COL11A2: variants seen among roughly 807,000 people sequenced by gnomAD.
COL11A2 encodes the protein collagen type XI alpha 2 chain.
Under a neutral mutation model 273.4 loss-of-function variants are expected in COL11A2, and 116 were observed. The ratio of observed to expected loss-of-function variants is 0.42; its 90% CI spans 0.36 to 0.49. The LOEUF (loss-of-function observed/expected upper bound fraction) is 0.49. Ranked by LOEUF, COL11A2 falls within the 20% of genes least tolerant of loss-of-function variation. The pLI, the probability that COL11A2 is intolerant of heterozygous loss-of-function variation, is 0.00. For synonymous variants in COL11A2, 782 were observed against 864.2 expected (o/e 0.90, Z 1.67); for missense variants, 1,866 against 2,309.0 (o/e 0.81, Z 3.93).
Position 33,170,450 on chromosome 6 carries a change from A to T in COL11A2, c.3529-71T>A, listed in dbSNP as rs1361580152. 8 of 1,508,206 alleles carry T rather than the reference A, an allele frequency of 5.3e-6. No homozygotes were observed. Among genetic ancestry groups the T allele is most frequent in the Non-Finnish European group, 7.2e-6 (8 of 1,110,782 alleles). 93.4% of individuals were successfully genotyped at this position (1,508,206 alleles called of 1,614,324 possible). On this transcript the variant is annotated intron_variant, in intron 47 of 65. Coordinates refer to ENST00000341947, the MANE Select transcript of COL11A2 (RefSeq NM_080680.3). The surrounding 1 kb of genome is among the most constrained non-coding windows in gnomAD (Gnocchi z 4.3). ...GCTGAGCATGAATGGTGGAGAGAGG[A>T]GGAGGAGCAGCCAGGCCAGGGAGTT... is the stretch of plus-strand genomic sequence containing the variant.
chr6:33,177,123 G>C lies in COL11A2; in HGVS notation c.2016+58C>G. 1 of 1,612,398 alleles carries C rather than the reference G, an allele frequency of 6.2e-7. No individual in the cohort carries two copies. Among genetic ancestry groups the C allele is most frequent in the Non-Finnish European group, 8.5e-7 (1 of 1,179,568 alleles). On this transcript the variant is annotated intron_variant, in intron 24 of 65. Coordinates refer to ENST00000341947, the MANE Select transcript of COL11A2 (RefSeq NM_080680.3). This position sits in a 1 kb window ranked among gnomAD's most constrained non-coding sequence, Gnocchi z 5.9. ...AGACAAAATCCCAGCAGACATTTAG[G>C]GTTCTCCCTACATCCCCACTCTAAA...
At position 33,164,279 on chromosome 6, in the gene COL11A2, T is replaced by G; in HGVS notation, c.5058A>C (p.Arg1686Ser). 6.2e-7 allele frequency: 1 copy of G among 1,612,922 alleles called. No individual in the cohort carries two copies. The highest frequency in any genetic ancestry group is 8.5e-7 in the Non-Finnish European group (1 of 1,179,986). Residue 1686 changes from arginine (R) to serine (S), a missense_variant, in exon 65 of 66, where the codon AGA becomes AGC. By Grantham distance (110) the Arg-to-Ser change is moderately radical. Coordinates refer to ENST00000341947, the MANE Select transcript of COL11A2 (RefSeq NM_080680.3). The surrounding 1 kb of genome is among the most constrained non-coding windows in gnomAD (Gnocchi z 4.7). ...TTCCTGTTCCCACCTGGCAGCCATC[T>G]CTGAATTCTTTGACATAGGGGCTAG... is the stretch of plus-strand genomic sequence containing the variant. ...PETSPYVKEF[R>S]DGCQTQQGRT... is the part of the protein sequence containing the mutation.
chr6:33,171,409 C>A (rs1272519956), intron 43 of COL11A2, 58 bp downstream of exon 43: 7 of 1,609,272 alleles, frequency 4.3e-6, no homozygotes, highest in Non-Finnish European at 6.0e-6. Context: ...GGGGTCATGC[C>A]CAGGTCAGCC....
chr6:33,185,050 G>A lies in COL11A2; in HGVS notation c.881C>T (p.Pro294Leu), dbSNP rs758518675. 1 of 1,551,202 alleles carries A rather than the reference G, an allele frequency of 6.4e-7. No individual in the cohort carries two copies. The highest frequency in any genetic ancestry group is 1.2e-5 in the South Asian group (1 of 84,058). The part of the protein sequence containing the change: ...TTGTTPDYQD[P>L]TPGEEEEILE... Reference sequence around the variant, plus strand: ...GATTTCTTCCTCTTCACCTGGGGTGGGGTCCTGACCCCAAGGAGAGAAGGA... The same window carrying A: ...GATTTCTTCCTCTTCACCTGGGGTGAGGTCCTGACCCCAAGGAGAGAAGGA... The change falls in exon 7 of 66, where the codon CCC becomes CTC. Residue 294 changes from proline (P) to leucine (L), a missense_variant. Pro to Leu is a moderately conservative substitution (Grantham distance 98). Coordinates refer to ENST00000341947, the MANE Select transcript of COL11A2 (RefSeq NM_080680.3).
chr6:33,166,674 C>A lies in COL11A2; in HGVS notation c.4338+46G>T. ...CAACTCCAACTCCACCCCTCTCCAC[C>A]CCACTCTCAACCCCCACAACTTCCG... is the stretch of plus-strand genomic sequence containing the variant. On this transcript the variant is annotated intron_variant, in intron 59 of 65. Coordinates refer to ENST00000341947, the MANE Select transcript of COL11A2 (RefSeq NM_080680.3). The surrounding 1 kb of genome is among the most constrained non-coding windows in gnomAD (Gnocchi z 4.8). 6.2e-7 allele frequency: 1 copy of A among 1,612,350 alleles called. No homozygotes were observed. The highest frequency in any genetic ancestry group is 8.5e-7 in the Non-Finnish European group (1 of 1,178,564).
In COL11A2 at chr6:33,189,440, G is replaced by C; in HGVS notation, c.112C>G (p.Leu38Val). Residue 38 changes from leucine to valine, a missense_variant, in exon 2 of 66, where the codon CTG becomes GTG. Coordinates refer to ENST00000341947, the MANE Select transcript of COL11A2 (RefSeq NM_080680.3). The surrounding 1 kb of genome is among the most constrained non-coding windows in gnomAD (Gnocchi z 5.6). ...CCATCAGGGAGGGAGGGGAACCTCA[G>C]GGCCCGGAGCACATCCACAGGGGGT... is the stretch of plus-strand genomic sequence containing the variant. ...GAPPVDVLRA[L>V]RFPSLPDGVR... is the part of the protein sequence containing the mutation. 6.2e-7 allele frequency: 1 copy of C among 1,613,110 alleles called. No homozygotes were observed. Among genetic ancestry groups the C allele is most frequent in the Non-Finnish European group, 8.5e-7 (1 of 1,180,032 alleles).
Position 33,179,664 on chromosome 6 carries a change from A to T in COL11A2, c.1446+55T>A. On this transcript the variant is annotated intron_variant, in intron 13 of 65. Coordinates refer to ENST00000341947, the MANE Select transcript of COL11A2 (RefSeq NM_080680.3). This position sits in a 1 kb window ranked among gnomAD's most constrained non-coding sequence, Gnocchi z 6.4. ...CCCCTGCCGCACACTCACTCCAGCC[A>T]ACCCTTCCAGTGCCCCCCAGAGCCT... 1 of 1,596,664 alleles carries T rather than the reference A, an allele frequency of 6.3e-7. No individual in the cohort carries two copies.
Position 33,170,755 on chromosome 6 carries a change from A to C in COL11A2, c.3474+55T>G, listed in dbSNP as rs952879848. On this transcript the variant is annotated intron_variant, in intron 46 of 65. Coordinates refer to ENST00000341947, the MANE Select transcript of COL11A2 (RefSeq NM_080680.3). This position sits in a 1 kb window ranked among gnomAD's most constrained non-coding sequence, Gnocchi z 4.3. ...AGGCTGCTGGCAGAGTCTGGGGCAA[A>C]ACATCACCCCATCCTGACCCCACCT... 87 of 1,594,876 alleles carry C rather than the reference A, an allele frequency of 5.5e-5. No homozygotes were observed. The highest frequency in any genetic ancestry group is 1.6e-5 in the Non-Finnish European group (19 of 1,163,940).
Position 33,176,818 on chromosome 6 carries a change from A to T in COL11A2, c.2071-53T>A. The T allele has an allele frequency of 6.3e-7, 1 of 1,585,816 alleles. No homozygotes were observed. Among genetic ancestry groups the T allele is most frequent in the African/African-American group, 1.3e-5 (1 of 74,208 alleles). On this transcript the variant is annotated intron_variant, in intron 25 of 65. Transcript: ENST00000341947. The surrounding 1 kb of genome is among the most constrained non-coding windows in gnomAD (Gnocchi z 4.9). ...CAGTGGCCCCTGTCACCCTCTCTGCACCCCTCCCTACACTTCTTCCAACCC... is the reference window on the plus strand; with the variant it reads ...CAGTGGCCCCTGTCACCCTCTCTGCTCCCCTCCCTACACTTCTTCCAACCC...
rs1386761855 is a variant in COL11A2 at position 33,192,250 on chromosome 6, G to A, written c.-10C>T. On this transcript the variant is annotated 5_prime_UTR_variant, in exon 1 of 66. Transcript: ENST00000341947. Reference sequence around the variant, plus strand: ...GGCTGCACCGCTCCATGGCTGAGAAGCCGAAACGCCGGGTCCCAGGGACCC... The same window carrying A: ...GGCTGCACCGCTCCATGGCTGAGAAACCGAAACGCCGGGTCCCAGGGACCC... The A allele has an allele frequency of 6.4e-7, 1 of 1,553,348 alleles. No homozygotes were observed.
chr6:33,168,091 C>A (rs1354624616), intron 54 of COL11A2, among the ~76,000 whole-genome samples: 1 of 152,102 alleles, frequency 6.6e-6, no homozygotes, highest in Admixed American at 6.5e-5. Context: ...CCTGGTGGCC[C>A]GTCTCCTGCC....
chr6:33,190,678 TC>T lies in COL11A2; in HGVS notation c.83-1210del, dbSNP rs1772998035. ...TCCAGGAGCCGGGAAACCACGGCCT[TC>T]CCCCCCAACCCCCACCTAAGCCTGG... On this transcript the variant is annotated intron_variant, in intron 1 of 65. Transcript: ENST00000341947. The surrounding 1 kb of genome is among the most constrained non-coding windows in gnomAD (Gnocchi z 4.5). Among the ~76,000 whole-genome samples, 1 of 150,846 alleles carries T rather than the reference TC, an allele frequency of 6.6e-6. No individual in the cohort carries two copies. Among genetic ancestry groups the T allele is most frequent in the Non-Finnish European group, 1.5e-5 (1 of 67,722 alleles).
In COL11A2 at chr6:33,169,103, A is replaced by G; in HGVS notation, c.3799-95T>C. 1 of 1,207,530 alleles carries G rather than the reference A, an allele frequency of 8.3e-7. No homozygotes were observed. Among genetic ancestry groups the G allele is most frequent in the Non-Finnish European group, 1.2e-6 (1 of 854,626 alleles). 74.8% of individuals were successfully genotyped at this position (1,207,530 alleles called of 1,614,324 possible). On this transcript the variant is annotated intron_variant, in intron 51 of 65. Transcript: ENST00000341947. This position sits in a 1 kb window ranked among gnomAD's most constrained non-coding sequence, Gnocchi z 5.5. ...CACACGCCACTGCCTCTCTAGAGGC[A>G]GTGCCCACCAGTACCCCCCAGGAAG...
chr6:33,168,978 G>T lies in COL11A2; in HGVS notation c.3829C>A (p.Pro1277Thr). 2 of 1,609,102 alleles carry T rather than the reference G, an allele frequency of 1.2e-6. No homozygotes were observed. The highest frequency in any genetic ancestry group is 1.7e-6 in the Non-Finnish European group (2 of 1,178,172). ...GPVGFPGDPGPPGEGGPRGQD... is the reference protein window; with the variant it reads ...GPVGFPGDPGTPGEGGPRGQD... The stretch of plus-strand genomic sequence containing the variant: ...ACCCGAGGGCCACCTTCTCCAGGGG[G>T]GCCAGGGTCACCAGGAAAACCAACA... Residue 1277 changes from proline to threonine, a missense_variant, in exon 52 of 66, where the codon CCC (proline) becomes ACC (threonine). Physicochemically the swap from Pro to Thr is conservative, Grantham distance 38 (BLOSUM62 -1). Transcript: ENST00000341947.
Position 33,192,450 on chromosome 6 carries a change from T to G in COL11A2, c.-210A>C, listed in dbSNP as rs947898786. 11 of 597,458 alleles carry G rather than the reference T, an allele frequency of 1.8e-5. No homozygotes were observed. In the African/African-American group the frequency reaches 2.1e-4, roughly 11 times the overall value. The allele number at this position is 597,458 out of a possible 1,614,324, so 37.0% of individuals were successfully genotyped here. A position where few individuals can be genotyped will look rare whatever the true frequency, so the allele number is the denominator to read the frequency against. ...GCTCCCGGCACTGCTCCCTCCTCGG[T>G]GGCTGCCGCTTCTGTGTGTCCCCGG... On this transcript the variant is annotated 5_prime_UTR_variant, in exon 1 of 66. Transcript: ENST00000341947.
chr6:33,173,128 G>A lies in COL11A2; in HGVS notation c.2737-15C>T, dbSNP rs753875466. On this transcript the variant is annotated splice_polypyrimidine_tract_variant and intron_variant, in intron 37 of 65. Coordinates refer to ENST00000341947, the MANE Select transcript of COL11A2 (RefSeq NM_080680.3). This position sits in a 1 kb window ranked among gnomAD's most constrained non-coding sequence, Gnocchi z 6.3. ...CCTTGGAAACCCTAGGCGAGGAAGA[G>A]AGGAGAATGCAGTGAAAGCAGGTGT... 6.2e-7 allele frequency: 1 copy of A among 1,609,704 alleles called. No homozygotes were observed. Among genetic ancestry groups the A allele is most frequent in the Admixed American group, 1.7e-5 (1 of 59,614 alleles).
rs1395772864 is a variant in COL11A2 at position 33,189,218 on chromosome 6, G to A, written c.233-30C>T. ...TAACCGAGAGAGATACACACAGAGT[G>A]AGAGGCAAAGGGAGCCGCCACAACC... On this transcript the variant is annotated intron_variant, in intron 2 of 65. Transcript: ENST00000341947. This position sits in a 1 kb window ranked among gnomAD's most constrained non-coding sequence, Gnocchi z 5.6. 6.2e-7 allele frequency: 1 copy of A among 1,612,098 alleles called. No homozygotes were observed. The highest frequency in any genetic ancestry group is 8.5e-7 in the Non-Finnish European group (1 of 1,178,968).
At chr6:33,174,718 T>C (rs1770663926) in intron 30 of COL11A2, 138 bp from the exon 31 acceptor site, 1 of 797,298 alleles carries the variant, frequency 1.3e-6, no homozygotes, top group Non-Finnish European at 2.1e-6. Flanking sequence ...TAGCCCCTCA[T>C]TGCTTGCCCC....
intron 30 of COL11A2, 35 bp from the exon 31 acceptor site, chr6:33,174,615 G>A: frequency 6.2e-7 from 1 of 1,607,170 alleles, no homozygotes; most frequent in South Asian, 1.1e-5. Context: ...GGAGTGAGAG[G>A]AGGCCCAGAT....
Sources: gnomAD v4.1 joint callset for allele counts (sites outside exome capture counted in the v4.1 genomes callset) on GRCh38, gnomAD v4.1.1 for gene constraint, Gnocchi (gnomAD v3.1) non-coding constraint, MANE v1.5 for transcripts, NCBI Gene and HGNC (gene_info 2026-07-23, HGNC 2026-07-21) for gene names.